Variants in THBS4 observed in about 807,000 individuals in gnomAD.
THBS4 encodes the protein thrombospondin-4.
THBS4 carries 90 observed loss-of-function variants against 115.7 expected under a neutral mutation model. The ratio of observed to expected loss-of-function variants is 0.78; its 90% CI spans 0.66 to 0.93. The LOEUF is 0.93. THBS4 is among the 40% of genes least tolerant of loss of function. The pLI is 0.00. For missense variants in THBS4, 1,087 were observed against 1,232.7 expected (o/e 0.88, Z 1.77); for synonymous variants, 460 against 479.3 (o/e 0.96, Z 0.53).
chr5:80,023,324 C>T (rs995757147), intron 2 of THBS4, among the ~76,000 whole-genome samples: 1 of 152,178 alleles, frequency 6.6e-6, no homozygotes, highest in African/African-American at 2.4e-5. Flanking sequence ...TATAAAGTAA[C>T]ACACACTCCA....
chr5:80,035,534 C>A lies in THBS4; in HGVS notation c.-4C>A. On this transcript the variant is annotated 5_prime_UTR_variant, in exon 1 of 22. Coordinates refer to ENST00000350881, the MANE Select transcript of THBS4 (RefSeq NM_003248.6). This position sits in a 1 kb window ranked among gnomAD's most constrained non-coding sequence, Gnocchi z 4.6. ...CGGCCTCGCGGGGAGCAGGAAGAGC[C>A]AACATGCTGGCCCCGCGCGGAGCCG... is the stretch of plus-strand genomic sequence containing the variant. The A allele has an allele frequency of 2.2e-6, 3 of 1,382,656 alleles. No individual in the cohort carries two copies. Among genetic ancestry groups the A allele is most frequent in the Non-Finnish European group, 2.8e-6 (3 of 1,067,258 alleles). The allele number at this position is 1,382,656 out of a possible 1,614,324, so 85.6% of individuals were successfully genotyped here. A position where few individuals can be genotyped will look rare whatever the true frequency, so the allele number is the denominator to read the frequency against.
intron 2 of THBS4, among the ~76,000 whole-genome samples, chr5:80,054,941 T>A (rs1833373781): frequency 6.6e-6 from 1 of 152,216 alleles, no homozygotes; most frequent in Non-Finnish European, 1.5e-5. Flanking sequence ...CCACTTCCTA[T>A]GTCCTTGAGC....
chr5:80,044,515 T>C (rs1389229086), intron 2 of THBS4, among the ~76,000 whole-genome samples: 3 of 152,110 alleles, frequency 2.0e-5, no homozygotes, highest in East Asian at 1.9e-4. Context: ...CTCTGCCTCC[T>C]AGGTTCGACT....
chr5:80,077,017 G>A lies in THBS4; in HGVS notation c.2055G>A (p.Leu685=). The A allele has an allele frequency of 6.2e-7, 1 of 1,610,828 alleles. No homozygotes were observed. Among genetic ancestry groups the A allele is most frequent in the Non-Finnish European group, 8.5e-7 (1 of 1,178,316 alleles). ...CCCCTGGACCAGACAACTGCCGGCT[G>A]GTCCCCAACCCAGCCCAGGAGGATA... The part of the protein sequence containing the change: ...LVPPGPDNCR[L]VPNPAQEDSN... Residue 685 remains leucine, a synonymous_variant, in exon 16 of 22, where the codon CTG becomes CTA. Transcript: ENST00000350881.
At chr5:80,080,945 A>G (rs1429027028) in intron 20 of THBS4, among the ~76,000 whole-genome samples, 2 of 152,258 alleles carry the variant, frequency 1.3e-5, no homozygotes, top group Middle Eastern at 3.4e-3. Flanking sequence ...CATCTACTAC[A>G]CGTGGCATGA....
At chr5:80,046,253 A>G (rs1833062150) in intron 2 of THBS4, among the ~76,000 whole-genome samples, 1 of 152,252 alleles carries the variant, frequency 6.6e-6, no homozygotes, top group South Asian at 2.1e-4. Flanking sequence ...CAAAAATCCA[A>G]GCTAGATGAG....
chr5:80,051,869 T>C (rs185728524), intron 2 of THBS4, among the ~76,000 whole-genome samples: 1 of 152,338 alleles, frequency 6.6e-6, no homozygotes, highest in East Asian at 1.9e-4. Flanking sequence ...TGTGAAGCCC[T>C]GTTAAAAGCA....
At chr5:80,049,187 CATCTTTTGAAAA>C (rs1833172480) in intron 2 of THBS4, among the ~76,000 whole-genome samples, 4 of 152,232 alleles carry the variant, frequency 2.6e-5, no homozygotes, top group Admixed American at 1.3e-4. Flanking sequence ...TTTCAAAAAG[CATCTTTTGAAAA>C]TTCTTTCTGA....
In THBS4 at chr5:80,072,424, T is replaced by C. The variant is rs41272288; in HGVS notation, c.1839+28T>C. 865 of 1,590,302 alleles carry C rather than the reference T, an allele frequency of 5.4e-4. 1 individual carries two copies. Among genetic ancestry groups the C allele is most frequent in the Non-Finnish European group, 6.8e-4 (786 of 1,158,824 alleles). ...TAGTAGGATACTGGGGAATTCAAAC[T>C]CCAGGCTGAATTCCTCTATGCAAAG... is the stretch of plus-strand genomic sequence containing the variant. On this transcript the variant is annotated intron_variant, in intron 14 of 21. Transcript: ENST00000350881.
At chr5:80,002,459 CT>C (rs1233523424) in intron 2 of THBS4, among the ~76,000 whole-genome samples, 1 of 152,056 alleles carries the variant, frequency 6.6e-6, no homozygotes, top group African/African-American at 2.4e-5. Context: ...GACCAAAGAC[CT>C]TTGCCTTGTA....
intron 2 of THBS4, among the ~76,000 whole-genome samples, chr5:80,001,638 G>A (rs1035360786): frequency 3.1e-4 from 47 of 152,218 alleles, no homozygotes; most frequent in Non-Finnish European, 2.1e-4. Flanking sequence ...CAGGGGAGGT[G>A]TTCCAGACAG....
chr5:79,997,037 T>G (rs529761265), intron 1 of THBS4, among the ~76,000 whole-genome samples: 12 of 152,042 alleles, frequency 7.9e-5, no homozygotes, highest in East Asian at 3.9e-4. Flanking sequence ...ATAGTTTTTT[T>G]TTTTTTTTTT....
At chr5:80,078,362 C>T in intron 17 of THBS4, 135 bp downstream of exon 17, 1 of 640,450 alleles carries the variant, frequency 1.6e-6, no homozygotes, top group Non-Finnish European at 2.4e-6. Flanking sequence ...CTCAACAGCC[C>T]TATGACAGAC....
At chr5:80,029,789 C>G (rs1162251550) in intron 2 of THBS4, among the ~76,000 whole-genome samples, 1 of 144,372 alleles carries the variant, frequency 6.9e-6, no homozygotes, top group Non-Finnish European at 1.5e-5. Context: ...GAAACCCCGT[C>G]TCTACTAAAA....
chr5:79,992,773 A>C (rs1392934302), intron 1 of THBS4, among the ~76,000 whole-genome samples: 1 of 152,224 alleles, frequency 6.6e-6, no homozygotes, highest in Admixed American at 6.5e-5. Flanking sequence ...GTAGGGTTAG[A>C]AATATAAGCA....
rs1217762493 is a variant in THBS4 at position 80,047,674 on chromosome 5, C to G, written c.292+7394C>G. Among the ~76,000 whole-genome samples, 3 of 149,322 alleles carry G rather than the reference C, an allele frequency of 2.0e-5. No individual in the cohort carries two copies. The East Asian group carries it at 6.0e-4, about 30-fold the overall frequency. On this transcript the variant is annotated intron_variant, in intron 2 of 21. Coordinates refer to ENST00000350881, the MANE Select transcript of THBS4 (RefSeq NM_003248.6). ...TTTGAGACAGAGTCTCACCCTGTTG[C>G]CCAGGCTGGAGTGCAATGGCGCGTC...
intron 7 of THBS4, among the ~76,000 whole-genome samples, 189 bp downstream of exon 7, chr5:80,060,094 G>A (rs770742208): frequency 2.0e-5 from 3 of 152,214 alleles, no homozygotes; most frequent in Non-Finnish European, 4.4e-5. Context: ...TTATGGCTGC[G>A]TTTGTCATTT....
At position 80,035,660 on chromosome 5, in the gene THBS4, G is replaced by T; in HGVS notation, c.88+35G>T. The T allele has an allele frequency of 7.7e-7, 1 of 1,293,796 alleles. No homozygotes were observed. 80.1% of individuals were successfully genotyped at this position (1,293,796 alleles called of 1,614,324 possible). On this transcript the variant is annotated intron_variant, in intron 1 of 21. Transcript: ENST00000350881. The surrounding 1 kb of genome is among the most constrained non-coding windows in gnomAD (Gnocchi z 4.6). ...TTCGGGTCGGGCCTGGGAGCGCCGG[G>T]CACCGGGTGCCCCATCTGCTGAGTG...
intron 2 of THBS4, among the ~76,000 whole-genome samples, chr5:80,017,088 A>C (rs189681252): frequency 5.9e-5 from 9 of 152,326 alleles, no homozygotes; most frequent in Admixed American, 5.9e-4. Flanking sequence ...AGATGGGAGG[A>C]GGAATTAGAA....
Sources: gnomAD v4.1 joint callset for allele counts (sites outside exome capture counted in the v4.1 genomes callset) on GRCh38, gnomAD v4.1.1 for gene constraint, Gnocchi (gnomAD v3.1) non-coding constraint, MANE v1.5 for transcripts, NCBI Gene and HGNC (gene_info 2026-07-23, HGNC 2026-07-21) for gene names.